ZDHHC11B: variants seen among roughly 807,000 people sequenced by gnomAD.
ZDHHC11B encodes zDHHC palmitoyltransferase 11B (putative).
ZDHHC11B carries 17 observed loss-of-function variants against 42.3 expected under a neutral mutation model. That is an observed-to-expected ratio of 0.40 (90% CI 0.27 to 0.60). The LOEUF is 0.60. Among genes scored for constraint, ZDHHC11B ranks in the 20% least tolerant of loss-of-function variants. The pLI, the probability that ZDHHC11B is intolerant of heterozygous loss-of-function variation, is 0.41. For missense variants in ZDHHC11B, 262 were observed against 463.2 expected, an observed-to-expected ratio of 0.57 and a Z score of 3.99; for synonymous variants, 123 against 193.5, an observed-to-expected ratio of 0.64 and a Z score of 3.02.
At position 723,072 on chromosome 5, in the gene ZDHHC11B, G is replaced by C. The variant is rs1262361391; in HGVS notation, c.1059-6207C>G. Among the ~76,000 whole-genome samples, 2 of 146,226 alleles carry C rather than the reference G, an allele frequency of 1.4e-5. 1 individual carries two copies. Among genetic ancestry groups the C allele is most frequent in the Non-Finnish European group, 3.0e-5 (2 of 66,778 alleles). On this transcript the variant is annotated intron_variant, in intron 12 of 13. Transcript: ENST00000508859. ...GAGCATGAGCGGGGTGCAAGGACTTGGAATGGGGGCCCCATCAACAGATAA... is the reference window on the plus strand; with the variant it reads ...GAGCATGAGCGGGGTGCAAGGACTTCGAATGGGGGCCCCATCAACAGATAA...
rs373730143 is a variant in ZDHHC11B, at chr5:744,206, A to G, written c.900+977T>C. ...TGGCCACAGTGCACAGTCCTGCCCC[A>G]TGCTGCTCGATTTGGTTTCCCAAGG... is the stretch of plus-strand genomic sequence containing the variant. On this transcript the variant is annotated intron_variant, in intron 9 of 13. Coordinates refer to ENST00000508859, the MANE Select transcript of ZDHHC11B (RefSeq NM_001351303.2). 2.1e-3 allele frequency among the ~76,000 whole-genome samples: 310 copies of G among 149,740 alleles called. 7 individuals are homozygous for G. Among genetic ancestry groups the G allele is most frequent in the Middle Eastern group, 0.014 (4 of 292 alleles).
At chr5:733,415 C>T (rs1408185359) in intron 11 of ZDHHC11B, among the ~76,000 whole-genome samples, 1 of 151,768 alleles carries the variant, frequency 6.6e-6, no homozygotes, top group Admixed American at 6.6e-5. Flanking sequence ...TCCTTCCATC[C>T]TTTATCACAG....
chr5:775,270 G>A (rs1282927672), intron 1 of ZDHHC11B, among the ~76,000 whole-genome samples: 1 of 151,934 alleles, frequency 6.6e-6, no homozygotes, highest in African/African-American at 2.4e-5. Context: ...AGCTGCACCC[G>A]CTGACCCCCA....
intron 10 of ZDHHC11B, among the ~76,000 whole-genome samples, chr5:737,244 C>T (rs60990847): frequency 0.011 from 1,462 of 131,860 alleles, 20 homozygotes; most frequent in African/African-American, 0.036. Flanking sequence ...AAATATACAA[C>T]CCAACTAGAT....
At chr5:776,542 C>CA (rs1314608087) in intron 1 of ZDHHC11B, among the ~76,000 whole-genome samples, 1 of 151,998 alleles carries the variant, frequency 6.6e-6, no homozygotes, top group African/African-American at 2.4e-5. Flanking sequence ...CTCCTGGCCT[C>CA]AAACTGCCCA....
chr5:750,878 G>C (rs868253891), intron 7 of ZDHHC11B, among the ~76,000 whole-genome samples: 1 of 124,996 alleles, frequency 8.0e-6, no homozygotes, highest in Non-Finnish European at 1.8e-5. Context: ...ACTGTCTCTC[G>C]CCTGACACGA....
chr5:750,810 G>C (rs377732327), intron 7 of ZDHHC11B, among the ~76,000 whole-genome samples: 1 of 129,770 alleles, frequency 7.7e-6, no homozygotes, highest in Non-Finnish European at 1.7e-5. Flanking sequence ...GGCCCCACAG[G>C]ATGGTGTGAC....
chr5:729,114 C>T (rs1356629930), intron 12 of ZDHHC11B, among the ~76,000 whole-genome samples: 4 of 151,278 alleles, frequency 2.6e-5, no homozygotes, highest in Non-Finnish European at 4.4e-5. Context: ...GGGAGGCATG[C>T]GGTGACCTCA....
intron 4 of ZDHHC11B, among the ~76,000 whole-genome samples, chr5:759,296 C>G (rs1191684829): frequency 6.6e-6 from 1 of 151,944 alleles, no homozygotes; most frequent in African/African-American, 2.4e-5. Context: ...TTTCCCCCGC[C>G]CTGTTCTGCA....
At chr5:732,434 A>T in intron 11 of ZDHHC11B, 1 of 310,100 alleles carries the variant, frequency 3.2e-6, no homozygotes, top group Non-Finnish European at 6.4e-6. Context: ...AACTCCCATG[A>T]GCCCGTGTGC....
chr5:712,675 C>T (rs1253639611), intron 13 of ZDHHC11B, among the ~76,000 whole-genome samples: 21 of 150,582 alleles, frequency 1.4e-4, no homozygotes, highest in Non-Finnish European at 2.1e-4. Context: ...TTTGGGAGTC[C>T]GAGGCGGGTG....
At chr5:774,028 C>T (rs1736265012) in intron 1 of ZDHHC11B, among the ~76,000 whole-genome samples, 2 of 151,896 alleles carry the variant, frequency 1.3e-5, no homozygotes, top group Non-Finnish European at 2.9e-5. Flanking sequence ...CCGAAGCATC[C>T]TCGCTGGCCA....
intron 1 of ZDHHC11B, among the ~76,000 whole-genome samples, chr5:775,399 C>A (rs551342105): frequency 6.6e-6 from 1 of 151,982 alleles, no homozygotes; most frequent in Admixed American, 6.6e-5. Flanking sequence ...CATGCAGGCA[C>A]AGCCTGAGGG....
chr5:756,732 G>A, intron 4 of ZDHHC11B, among the ~76,000 whole-genome samples: 1 of 151,664 alleles, frequency 6.6e-6, no homozygotes, highest in Non-Finnish European at 1.5e-5. Flanking sequence ...AGCACTGGGA[G>A]AGAAGACAGC....
At chr5:748,808 A>C (rs1745183732) in intron 7 of ZDHHC11B, among the ~76,000 whole-genome samples, 1 of 116,762 alleles carries the variant, frequency 8.6e-6, no homozygotes, top group Non-Finnish European at 1.9e-5. Context: ...ACTAAGTGCC[A>C]GGGCTCCAGC....
chr5:711,698 T>A lies in ZDHHC11B; in HGVS notation c.*592A>T, dbSNP rs1741387501. On this transcript the variant is annotated 3_prime_UTR_variant, in exon 14 of 14. Transcript: ENST00000508859. ...GTACTGTGCTCCTATTCCCCAGTAC[T>A]CTGTGCTCCCATTTCCCAGTACTTT... 4 of 149,224 alleles carry A rather than the reference T, an allele frequency of 2.7e-5. No individual in the cohort carries two copies. The South Asian group carries it at 6.6e-4, about 24-fold the overall frequency. 9.2% of individuals were successfully genotyped at this position (149,224 alleles called of 1,614,324 possible).
At chr5:718,256 T>C (rs181008671) in intron 12 of ZDHHC11B, among the ~76,000 whole-genome samples, 236 of 151,804 alleles carry the variant, frequency 1.6e-3, no homozygotes, top group African/African-American at 5.5e-3. Flanking sequence ...CAAAATGGTA[T>C]TGTAGAAAGC....
intron 11 of ZDHHC11B, 58 bp downstream of exon 11, chr5:733,694 C>T (rs1285057360): frequency 1.7e-5 from 25 of 1,497,136 alleles, no homozygotes; most frequent in Admixed American, 5.1e-5. Flanking sequence ...GGACCCGAGA[C>T]CACATATTCT....
Position 749,145 on chromosome 5 carries a change from C to A in ZDHHC11B, c.629-586G>T, listed in dbSNP as rs1745269333. On this transcript the variant is annotated intron_variant, in intron 7 of 13. Coordinates refer to ENST00000508859, the MANE Select transcript of ZDHHC11B (RefSeq NM_001351303.2). ...AGGGTCACAGCGCCTGCTGGCTCTG[C>A]CGAGTCCCAGCATCCATCCCTTCCT... Among the ~76,000 whole-genome samples the A allele has an allele frequency of 1.6e-5, 2 of 124,248 alleles. 1 individual carries two copies. The highest frequency in any genetic ancestry group is 1.9e-4 in the Admixed American group (2 of 10,774). The allele number at this position is 124,248 out of a possible 152,430, so 81.5% of individuals were successfully genotyped here.
Sources: gnomAD v4.1 joint callset for allele counts (sites outside exome capture counted in the v4.1 genomes callset) on GRCh38, gnomAD v4.1.1 for gene constraint, MANE v1.5 for transcripts, NCBI Gene and HGNC (gene_info 2026-07-23, HGNC 2026-07-21) for gene names.